Variants in CCT6B observed in about 807,000 individuals in gnomAD.
CCT6B encodes the protein probable T-complex protein 1 subunit zeta-2.
Under a neutral mutation model 61.5 loss-of-function variants are expected in CCT6B, and 49 were observed. The ratio of observed to expected loss-of-function variants is 0.80; its 90% CI spans 0.63 to 1.01. The LOEUF is 1.01. Ranked by LOEUF, CCT6B falls within the 50% of genes least tolerant of loss-of-function variation. CCT6B has a pLI of 0.00. For synonymous variants in CCT6B, 228 were observed against 214.5 expected (o/e 1.06, Z -0.55); for missense variants, 666 against 634.7 (o/e 1.05, Z -0.53).
At chr17:34,951,904 TA>T in intron 5 of CCT6B, 45 bp downstream of exon 5, 1 of 871,248 alleles carries the variant, frequency 1.1e-6, no homozygotes, top group Non-Finnish European at 1.8e-6. Context: ...AGAATATCTT[TA>T]AAAAATTCTA....
chr17:34,942,781 G>C lies in CCT6B; in HGVS notation c.725+15C>G, dbSNP rs774590889. On this transcript the variant is annotated intron_variant, in intron 6 of 13. Coordinates refer to ENST00000314144, the MANE Select transcript of CCT6B (RefSeq NM_006584.4). ...AAAAAAAATTCAAAAGTTATAAAGA[G>C]AAAGTAACACGCACGTTTTTTCATA... 3.2e-6 allele frequency: 5 copies of C among 1,559,270 alleles called. No individual in the cohort carries two copies. The East Asian group carries it at 1.1e-4, about 35-fold the overall frequency.
chr17:34,948,713 TAA>T (rs1555550225), intron 5 of CCT6B, among the ~76,000 whole-genome samples: 10 of 75,332 alleles, frequency 1.3e-4, no homozygotes, highest in Non-Finnish European at 1.9e-4. Flanking sequence ...AAACTCCATC[TAA>T]AAAAAAAAAA....
chr17:34,930,985 C>A lies in CCT6B; in HGVS notation c.1414G>T (p.Glu472Ter). 1 of 1,605,664 alleles carries A rather than the reference C, an allele frequency of 6.2e-7. No homozygotes were observed. The highest frequency in any genetic ancestry group is 8.5e-7 in the Non-Finnish European group (1 of 1,174,470). The change falls in exon 12 of 14, where the codon GAG becomes TAG. Residue 472 changes from glutamate (E) to a stop codon, truncating the protein, a stop_gained. Coordinates refer to ENST00000314144, the MANE Select transcript of CCT6B (RefSeq NM_006584.4). LOFTEE classifies it high-confidence loss of function. The stretch of plus-strand genomic sequence containing the variant: ...TCTACGCCCACAAGTTGTTTTGACT[C>A]GACATGCTCAGCCTGAACTTTTACT... ...TLVKVQAEHVESKQLVGVDLN... is the reference protein window; with the variant it reads ...TLVKVQAEHV
At chr17:34,953,339 A>T (rs8077685) in intron 4 of CCT6B, among the ~76,000 whole-genome samples, 42,395 of 141,726 alleles carry the variant, frequency 0.3, 6,468 homozygotes, top group East Asian at 0.56. Flanking sequence ...ATATATATAT[A>T]TATTTTTTTG....
At chr17:34,942,229 T>C (rs1319162336) in intron 7 of CCT6B, among the ~76,000 whole-genome samples, 1 of 151,954 alleles carries the variant, frequency 6.6e-6, no homozygotes, top group African/African-American at 2.4e-5. Context: ...CAATAAAGAA[T>C]GCGATGACTA....
At chr17:34,961,184 CGCCT>C (rs2090411188) in intron 1 of CCT6B, 69 bp downstream of exon 1, 1 of 1,504,794 alleles carries the variant, frequency 6.6e-7, no homozygotes, top group African/African-American at 1.4e-5. Flanking sequence ...GCTACGCGGA[CGCCT>C]GCCTCAGAGG....
In CCT6B at chr17:34,932,483, C is replaced by T; in HGVS notation, c.1231G>A (p.Ala411Thr). Residue 411 changes from alanine to threonine, a missense_variant, in exon 11 of 14, where the codon GCT (alanine) becomes ACT (threonine). Coordinates refer to ENST00000314144, the MANE Select transcript of CCT6B (RefSeq NM_006584.4). ...AIEDGCMVPG[A>T]GAIEVAMAEA... ...GCCATTGCCACTTCAATTGCACCAG[C>T]TCCAGGAACCATACAACCTATTGGA... The T allele has an allele frequency of 6.2e-7, 1 of 1,610,296 alleles. No homozygotes were observed.
At chr17:34,938,750 T>G (rs1037250893) in intron 10 of CCT6B, among the ~76,000 whole-genome samples, 2 of 151,380 alleles carry the variant, frequency 1.3e-5, no homozygotes, top group Admixed American at 6.6e-5. Flanking sequence ...TCAAAAGAAA[T>G]AAATAGATTA....
Position 34,929,049 on chromosome 17 carries a change from C to T in CCT6B, c.1451-15G>A, listed in dbSNP as rs768623796. 1 of 1,519,774 alleles carries T rather than the reference C, an allele frequency of 6.6e-7. No homozygotes were observed. The highest frequency in any genetic ancestry group is 9.1e-7 in the Non-Finnish European group (1 of 1,098,362). The allele number at this position is 1,519,774 out of a possible 1,614,324, so 94.1% of individuals were successfully genotyped here. On this transcript the variant is annotated splice_polypyrimidine_tract_variant and intron_variant, in intron 12 of 13. Transcript: ENST00000314144. ...CATTGGCTCACCTGAAAAGTAAAAA[C>T]AATTTTCATACCAAAATCTTAGTAT...
intron 10 of CCT6B, among the ~76,000 whole-genome samples, chr17:34,935,754 G>A (rs1179192820): frequency 2.0e-5 from 3 of 152,018 alleles, no homozygotes; most frequent in Admixed American, 6.6e-5. Context: ...CTACTCAGGA[G>A]GCTGATGTAG....
At position 34,951,987 on chromosome 17, in the gene CCT6B, T is replaced by C. The variant is rs879249857; in HGVS notation, c.577A>G (p.Ile193Val). 5 of 1,605,808 alleles carry C rather than the reference T, an allele frequency of 3.1e-6. No individual in the cohort carries two copies. In the South Asian group the frequency reaches 5.6e-5, roughly 18 times the overall value. ...GYPIDLFMVE[I>V]MEMKHKLGTD... is the part of the protein sequence containing the mutation. ...CCTAATTTATGCTTCATCTCCATTA[T>C]TTCTACCATGAAGAGATCAATAGGG... Residue 193 changes from isoleucine (I) to valine (V), a missense_variant, in exon 5 of 14, where the codon ATA becomes GTA. By Grantham distance (29) the Ile-to-Val change is conservative. Coordinates refer to ENST00000314144, the MANE Select transcript of CCT6B (RefSeq NM_006584.4).
chr17:34,939,790 T>C lies in CCT6B; in HGVS notation c.969-77A>G, dbSNP rs2090139952. ...AATTTCTCAGAGAGAAGATATCTAA[T>C]GCAGAAGACTGTATTGTTACTGTAT... On this transcript the variant is annotated intron_variant, in intron 8 of 13. Coordinates refer to ENST00000314144, the MANE Select transcript of CCT6B (RefSeq NM_006584.4). 4 of 879,598 alleles carry C rather than the reference T, an allele frequency of 4.5e-6. No individual in the cohort carries two copies. The East Asian group carries it at 1.0e-4, about 23-fold the overall frequency. The allele number at this position is 879,598 out of a possible 1,614,324, so 54.5% of individuals were successfully genotyped here.
chr17:34,930,010 T>C (rs996849832), intron 12 of CCT6B, among the ~76,000 whole-genome samples: 3 of 152,208 alleles, frequency 2.0e-5, no homozygotes, highest in African/African-American at 7.2e-5. Context: ...CTTCTACTTG[T>C]TCAGTTGACT....
At chr17:34,950,670 C>T (rs1303732446) in intron 5 of CCT6B, among the ~76,000 whole-genome samples, 2 of 152,180 alleles carry the variant, frequency 1.3e-5, no homozygotes, top group Non-Finnish European at 2.9e-5. Flanking sequence ...GTGGCTCACG[C>T]CTTTAATCCC....
rs57459236 is a variant in CCT6B, at chr17:34,957,143, ATTT to A, written c.336+1414_336+1416del. Among the ~76,000 whole-genome samples the A allele has an allele frequency of 2.7e-3, 280 of 102,290 alleles. 6 individuals carry two copies. The East Asian group carries it at 0.052, about 19-fold the overall frequency. 67.1% of individuals were successfully genotyped at this position (102,290 alleles called of 152,430 possible). Reference sequence around the variant, plus strand: ...TTCTTTTTCTTTCCTTTTTCTTTCCATTTTTTTTTTTTTTTTTTGAGATGGAGT... The same window carrying A: ...TTCTTTTTCTTTCCTTTTTCTTTCCATTTTTTTTTTTTTTTGAGATGGAGT... On this transcript the variant is annotated intron_variant, in intron 3 of 13. Coordinates refer to ENST00000314144, the MANE Select transcript of CCT6B (RefSeq NM_006584.4).
At chr17:34,937,884 T>C (rs1392360018) in intron 10 of CCT6B, among the ~76,000 whole-genome samples, 12 of 146,874 alleles carry the variant, frequency 8.2e-5, no homozygotes, top group African/African-American at 9.7e-5. Flanking sequence ...TTCTTTTCTT[T>C]TCTTCTCTTT....
chr17:34,930,447 C>G lies in CCT6B; in HGVS notation c.1450+502G>C, dbSNP rs564866734. Among the ~76,000 whole-genome samples, 4 of 152,290 alleles carry G rather than the reference C, an allele frequency of 2.6e-5. No homozygotes were observed. The South Asian group carries it at 8.3e-4, about 32-fold the overall frequency. ...GACACTGGCTTTTCCACTGGCTGTTCTCTTTCCCTAGAACACTTAACCCCA... is the reference window on the plus strand; with the variant it reads ...GACACTGGCTTTTCCACTGGCTGTTGTCTTTCCCTAGAACACTTAACCCCA... On this transcript the variant is annotated intron_variant, in intron 12 of 13. Transcript: ENST00000314144.
chr17:34,928,401 T>TA (rs1263366132), intron 13 of CCT6B, among the ~76,000 whole-genome samples: 1 of 151,674 alleles, frequency 6.6e-6, no homozygotes, highest in Non-Finnish European at 1.5e-5. Flanking sequence ...GCCTCCCGAG[T>TA]AGCTGGGATA....
In CCT6B at chr17:34,928,003, G is replaced by A. The variant is rs762660903; in HGVS notation, c.*45C>T. On this transcript the variant is annotated 3_prime_UTR_variant, in exon 14 of 14. Coordinates refer to ENST00000314144, the MANE Select transcript of CCT6B (RefSeq NM_006584.4). ...ACACAATAGTAGTCAGATGTAAAGT[G>A]TACTAAATTTCATCTTCTAGAAGGG... 1 of 1,364,960 alleles carries A rather than the reference G, an allele frequency of 7.3e-7. No individual in the cohort carries two copies. The highest frequency in any genetic ancestry group is 1.0e-6 in the Non-Finnish European group (1 of 961,916). The allele number at this position is 1,364,960 out of a possible 1,614,324, so 84.6% of individuals were successfully genotyped here. A position where few individuals can be genotyped will look rare whatever the true frequency, so the allele number is the denominator to read the frequency against.
Sources: gnomAD v4.1 joint callset for allele counts (sites outside exome capture counted in the v4.1 genomes callset) on GRCh38, gnomAD v4.1.1 for gene constraint, MANE v1.5 for transcripts, NCBI Gene and HGNC (gene_info 2026-07-23, HGNC 2026-07-21) for gene names.